Variants in ROBO2 observed in about 807,000 individuals in gnomAD.
ROBO2 encodes roundabout guidance receptor 2.
ROBO2 carries 53 observed loss-of-function variants against 160.8 expected under a neutral mutation model. The observed-to-expected ratio is 0.33, with a 90% CI of 0.26 to 0.41. ROBO2 has a LOEUF of 0.41. Ranked by LOEUF, ROBO2 falls within the 10% of genes least tolerant of loss-of-function variation. ROBO2 has a pLI of 1.00. For synonymous variants in ROBO2, 664 were observed against 611.7 expected, an observed-to-expected ratio of 1.09 and a Z score of -1.26; for missense variants, 1,577 against 1,722.4, an observed-to-expected ratio of 0.92 and a Z score of 1.49.
chr3:75,907,058 C>G (rs1165849018), intron 1 of ROBO2: 1 of 152,304 alleles, frequency 6.6e-6, no homozygotes, highest in African/African-American at 2.4e-5. Context: ...CTTTATATTT[C>G]CCAAATTCAC....
intron 2 of ROBO2, among the ~76,000 whole-genome samples, chr3:77,306,250 T>C (rs72895199): frequency 0.041 from 6,194 of 152,180 alleles, 427 homozygotes; most frequent in African/African-American, 0.14. Flanking sequence ...AACATTATTT[T>C]TTCTAATTGG....
intron 2 of ROBO2, among the ~76,000 whole-genome samples, chr3:76,289,822 G>A (rs942482652): frequency 6.6e-6 from 1 of 151,958 alleles, no homozygotes; most frequent in East Asian, 1.9e-4. Flanking sequence ...TTTATGTCTG[G>A]GTTCTCTAAC....
At chr3:77,311,296 G>A (rs187879219) in intron 2 of ROBO2, among the ~76,000 whole-genome samples, 79 of 152,180 alleles carry the variant, frequency 5.2e-4, no homozygotes, top group Admixed American at 1.3e-3. Context: ...TATGTGCACC[G>A]GAAATATCCC....
intron 2 of ROBO2, among the ~76,000 whole-genome samples, chr3:76,018,155 G>C (rs543434523): frequency 6.6e-6 from 1 of 151,892 alleles, no homozygotes; most frequent in Non-Finnish European, 1.5e-5. Context: ...CTGGGCAATA[G>C]TTAAAAGGAA....
chr3:76,625,570 C>T (rs1265821362), intron 2 of ROBO2, among the ~76,000 whole-genome samples: 2 of 151,652 alleles, frequency 1.3e-5, no homozygotes, highest in Non-Finnish European at 2.9e-5. Context: ...GAAGAGGGAG[C>T]TTTAAGTAGG....
intron 2 of ROBO2, among the ~76,000 whole-genome samples, chr3:77,213,848 T>C (rs1361840184): frequency 2.0e-5 from 3 of 152,212 alleles, no homozygotes; most frequent in South Asian, 2.1e-4. Context: ...CCAGTAGTCA[T>C]TCAGGAGCAG....
intron 2 of ROBO2, among the ~76,000 whole-genome samples, chr3:76,258,070 C>A (rs766724091): frequency 2.6e-5 from 4 of 151,916 alleles, no homozygotes; most frequent in Non-Finnish European, 5.9e-5. Context: ...AGATTTACAC[C>A]CTTTTAGTTT....
chr3:76,031,311 G>A (rs1437708994), intron 2 of ROBO2, among the ~76,000 whole-genome samples: 1 of 152,272 alleles, frequency 6.6e-6, no homozygotes, highest in South Asian at 2.1e-4. Context: ...TATGCAAACA[G>A]GGACAATTTG....
intron 2 of ROBO2, among the ~76,000 whole-genome samples, chr3:77,152,470 G>T (rs1022692283): frequency 6.6e-6 from 1 of 152,068 alleles, no homozygotes; most frequent in Non-Finnish European, 1.5e-5. Context: ...CCAGATTTTG[G>T]TGATCAACAG....
chr3:77,305,039 TTGGGAATA>T (rs1447898431), intron 2 of ROBO2, among the ~76,000 whole-genome samples: 1 of 152,200 alleles, frequency 6.6e-6, no homozygotes, highest in Non-Finnish European at 1.5e-5. Flanking sequence ...TCTGACCCCT[TTGGGAATA>T]TTTATTTGCT....
At position 76,010,746 on chromosome 3, in the gene ROBO2, C is replaced by A. The variant is rs1022237; in HGVS notation, c.109+73144C>A. 6.9e-3 allele frequency among the ~76,000 whole-genome samples: 1,057 copies of A among 152,278 alleles called. 73 individuals are homozygous for A. The East Asian group carries it at 0.17, about 25-fold the overall frequency. On this transcript the variant is annotated intron_variant, in intron 2 of 26. Coordinates refer to the ROBO2 transcript ENST00000487694. ...GAAGGGGGACGCTGAAGAAGCTTCACATTGTCAGTTTTGTATAAATCCACT... is the reference window on the plus strand; with the variant it reads ...GAAGGGGGACGCTGAAGAAGCTTCAAATTGTCAGTTTTGTATAAATCCACT...
intron 2 of ROBO2, among the ~76,000 whole-genome samples, chr3:76,776,373 T>A (rs1440717656): frequency 6.6e-6 from 1 of 151,042 alleles, no homozygotes; most frequent in African/African-American, 2.4e-5. Flanking sequence ...AAATGGGAAC[T>A]ATTGTATGTA....
chr3:76,948,955 T>C (rs1681198319), intron 2 of ROBO2, among the ~76,000 whole-genome samples: 1 of 137,800 alleles, frequency 7.3e-6, no homozygotes, highest in South Asian at 2.3e-4. Flanking sequence ...TTCACCATGT[T>C]GGCCAAGCTG....
intron 2 of ROBO2, among the ~76,000 whole-genome samples, chr3:76,932,260 A>T (rs924002506): frequency 6.6e-6 from 1 of 152,186 alleles, no homozygotes; most frequent in Non-Finnish European, 1.5e-5. Context: ...TATTTTATTC[A>T]TTTATTTATA....
At chr3:76,275,311 T>C (rs968217600) in intron 2 of ROBO2, among the ~76,000 whole-genome samples, 1 of 152,176 alleles carries the variant, frequency 6.6e-6, no homozygotes, top group African/African-American at 2.4e-5. Flanking sequence ...CTTTAAGTTT[T>C]AGGGTACATG....
intron 2 of ROBO2, among the ~76,000 whole-genome samples, chr3:76,991,644 T>C (rs1274828598): frequency 6.6e-6 from 1 of 152,222 alleles, no homozygotes; most frequent in Non-Finnish European, 1.5e-5. Context: ...AAAAGTATTC[T>C]TTACCATAGA....
At chr3:77,142,334 A>C (rs937143908) in intron 2 of ROBO2, among the ~76,000 whole-genome samples, 2 of 152,208 alleles carry the variant, frequency 1.3e-5, no homozygotes, top group African/African-American at 4.8e-5. Context: ...GCAGAAATAC[A>C]CTTGTATAGA....
At chr3:77,506,834 T>C (rs1490977002) in intron 5 of ROBO2, among the ~76,000 whole-genome samples, 1 of 152,172 alleles carries the variant, frequency 6.6e-6, no homozygotes, top group Non-Finnish European at 1.5e-5. Context: ...TGAAATACAC[T>C]TCGAAGATAA....
At chr3:77,218,389 T>A (rs1396255506) in intron 2 of ROBO2, among the ~76,000 whole-genome samples, 1 of 151,880 alleles carries the variant, frequency 6.6e-6, no homozygotes, top group Non-Finnish European at 1.5e-5. Flanking sequence ...TTTTTTTTTT[T>A]TTTGAAATGG....
Sources: allele counts gnomAD v4.1 joint callset (sites outside exome capture counted in the v4.1 genomes callset), GRCh38; gene constraint gnomAD v4.1.1; transcripts MANE v1.5; gene names NCBI Gene and HGNC (gene_info 2026-07-23, HGNC 2026-07-21).